PRKD1: variants seen among roughly 807,000 people sequenced by gnomAD.
PRKD1 encodes serine/threonine-protein kinase D1.
Under a neutral mutation model 95.9 loss-of-function variants are expected in PRKD1, and 63 were observed. That is an observed-to-expected ratio of 0.66 (90% CI 0.54 to 0.81). The LOEUF (loss-of-function observed/expected upper bound fraction) is 0.81, where lower values mean the gene tolerates loss of function less well. PRKD1 is among the 30% of genes least tolerant of loss of function. The probability of loss-of-function intolerance (pLI) is 0.00; values close to 1 mark genes in which losing one functional copy is unlikely to be tolerated. For synonymous variants in PRKD1, 425 were observed against 423.1 expected (o/e 1.00, Z -0.05); for missense variants, 1,048 against 1,165.3 (o/e 0.90, Z 1.47).
chr14:29,715,377 T>A (rs910529128), intron 2 of PRKD1, among the ~76,000 whole-genome samples: 1 of 152,080 alleles, frequency 6.6e-6, no homozygotes, highest in African/African-American at 2.4e-5. Context: ...ATGTCTCTAT[T>A]GAACACTTGA....
intron 13 of PRKD1, among the ~76,000 whole-genome samples, chr14:29,611,618 C>G (rs1878471605): frequency 6.6e-6 from 1 of 152,028 alleles, no homozygotes; most frequent in South Asian, 2.1e-4. Context: ...AAATTAATGA[C>G]TAACCCATAC....
intron 1 of PRKD1, among the ~76,000 whole-genome samples, chr14:29,808,607 C>G (rs1890348222): frequency 6.6e-6 from 1 of 151,528 alleles, no homozygotes; most frequent in Non-Finnish European, 1.5e-5. Flanking sequence ...ACCATATTGG[C>G]CAGGCTGATC....
At chr14:29,740,054 A>T (rs559226168) in intron 1 of PRKD1, among the ~76,000 whole-genome samples, 1 of 152,206 alleles carries the variant, frequency 6.6e-6, no homozygotes, top group Non-Finnish European at 1.5e-5. Flanking sequence ...ATTGTTGTGT[A>T]AAAACATATT....
intron 16 of PRKD1, among the ~76,000 whole-genome samples, chr14:29,586,284 T>C (rs1029349193): frequency 6.6e-6 from 1 of 152,228 alleles, no homozygotes; most frequent in African/African-American, 2.4e-5. Context: ...TTAAGGATAA[T>C]TTCTGCTCAG....
At chr14:29,783,402 T>C (rs1404878370) in intron 1 of PRKD1, among the ~76,000 whole-genome samples, 1 of 152,236 alleles carries the variant, frequency 6.6e-6, no homozygotes, top group African/African-American at 2.4e-5. Context: ...CATCCGTTGA[T>C]GAATTCCTAA....
intron 1 of PRKD1, among the ~76,000 whole-genome samples, chr14:29,823,808 T>C (rs1891011882): frequency 6.6e-6 from 1 of 152,182 alleles, no homozygotes; most frequent in South Asian, 2.1e-4. Context: ...TTCACGTTAA[T>C]AAACATTTTT....
At chr14:29,883,787 C>A (rs1462658345) in intron 1 of PRKD1, among the ~76,000 whole-genome samples, 1 of 152,188 alleles carries the variant, frequency 6.6e-6, no homozygotes, top group Admixed American at 6.5e-5. Flanking sequence ...GAAACAAAGA[C>A]AAGTAAAAAT....
chr14:29,781,356 G>A (rs1329553830), intron 1 of PRKD1, among the ~76,000 whole-genome samples: 6 of 152,096 alleles, frequency 3.9e-5, no homozygotes, highest in East Asian at 3.9e-4. Flanking sequence ...TATAAACAAC[G>A]TCTCAAATTA....
At chr14:29,711,525 T>A (rs1337628707) in intron 2 of PRKD1, among the ~76,000 whole-genome samples, 1 of 152,130 alleles carries the variant, frequency 6.6e-6, no homozygotes, top group Non-Finnish European at 1.5e-5. Context: ...ACGGGGAGAT[T>A]CACATAATTT....
intron 1 of PRKD1, among the ~76,000 whole-genome samples, chr14:29,906,205 T>A (rs2139437278): frequency 6.6e-6 from 1 of 152,190 alleles, no homozygotes; most frequent in African/African-American, 2.4e-5. Context: ...TAAATAAAAA[T>A]GATTTTTTAA....
At chr14:29,660,278 A>C (rs1882119799) in intron 4 of PRKD1, among the ~76,000 whole-genome samples, 1 of 152,206 alleles carries the variant, frequency 6.6e-6, no homozygotes, top group Non-Finnish European at 1.5e-5. Flanking sequence ...GTGTAACAGC[A>C]CATTGCCTTA....
At chr14:29,633,532 G>A (rs910153025) in intron 8 of PRKD1, among the ~76,000 whole-genome samples, 3 of 152,160 alleles carry the variant, frequency 2.0e-5, no homozygotes, top group African/African-American at 7.2e-5. Context: ...GCTCACTACA[G>A]ATCTAACCAC....
At position 29,731,341 on chromosome 14, in the gene PRKD1, A is replaced by G. The variant is rs140357754; in HGVS notation, c.265-5667T>C. ...TAAATTTAACACTTTTACATTTCCTAAGACGTTTTATGGCCCAGGAGGTCA... is the reference window on the plus strand; with the variant it reads ...TAAATTTAACACTTTTACATTTCCTGAGACGTTTTATGGCCCAGGAGGTCA... On this transcript the variant is annotated intron_variant, in intron 1 of 17. Transcript: ENST00000331968. 3.3e-3 allele frequency among the ~76,000 whole-genome samples: 500 copies of G among 152,264 alleles called. 4 individuals carry two copies. Among genetic ancestry groups the G allele is most frequent in the Non-Finnish European group, 3.1e-3 (208 of 68,006 alleles).
chr14:29,578,995 TTCTA>T (rs750566814), intron 16 of PRKD1, among the ~76,000 whole-genome samples: 8 of 152,108 alleles, frequency 5.3e-5, no homozygotes, highest in Non-Finnish European at 1.2e-4. Context: ...TTCATAGACT[TTCTA>T]GAGGAAGACA....
chr14:29,583,453 G>C (rs1050278409), intron 16 of PRKD1, among the ~76,000 whole-genome samples: 2 of 152,096 alleles, frequency 1.3e-5, no homozygotes, highest in African/African-American at 2.4e-5. Flanking sequence ...GCAGTGGCTA[G>C]TTCCTCCTTC....
chr14:29,886,512 C>A (rs1442014049), intron 1 of PRKD1, among the ~76,000 whole-genome samples: 1 of 152,178 alleles, frequency 6.6e-6, no homozygotes. Flanking sequence ...GGTGGCAATG[C>A]CTTTTATGAC....
intron 1 of PRKD1, among the ~76,000 whole-genome samples, chr14:29,867,575 T>A (rs187295157): frequency 7.0e-4 from 106 of 152,324 alleles, no homozygotes; most frequent in African/African-American, 2.4e-3. Context: ...CTGTGAGCTA[T>A]GACAAAGACT....
At chr14:29,683,202 C>G (rs1026644910) in intron 2 of PRKD1, among the ~76,000 whole-genome samples, 12 of 152,172 alleles carry the variant, frequency 7.9e-5, no homozygotes, top group Admixed American at 3.3e-4. Flanking sequence ...CCATATGGGG[C>G]TGTAGCAATA....
At chr14:29,710,064 G>A (rs1456239633) in intron 2 of PRKD1, among the ~76,000 whole-genome samples, 2 of 151,934 alleles carry the variant, frequency 1.3e-5, no homozygotes, top group East Asian at 3.9e-4. Flanking sequence ...ACAGAACTAT[G>A]GCAAGAAGCA....
Sources: gnomAD v4.1 joint callset for allele counts (sites outside exome capture counted in the v4.1 genomes callset) on GRCh38, gnomAD v4.1.1 for gene constraint, MANE v1.5 for transcripts, NCBI Gene and HGNC (gene_info 2026-07-23, HGNC 2026-07-21) for gene names.